Variants in MND1 observed in about 807,000 individuals in gnomAD.
MND1 encodes the protein meiotic nuclear divisions 1.
A neutral mutation model predicts 35.1 loss-of-function variants in MND1; 28 were observed. The observed-to-expected ratio is 0.80, with a 90% CI of 0.59 to 1.09. The LOEUF (loss-of-function observed/expected upper bound fraction) is 1.09, where lower values mean the gene tolerates loss of function less well. MND1 is among the 50% of genes least tolerant of loss of function. The pLI is 0.00. For synonymous variants in MND1, 69 were observed against 70.5 expected (o/e 0.98, Z 0.11); for missense variants, 213 against 239.6 (o/e 0.89, Z 0.73).
chr4:153,388,648 T>G (rs1203055898), intron 4 of MND1, among the ~76,000 whole-genome samples: 1 of 152,140 alleles, frequency 6.6e-6, no homozygotes, highest in Non-Finnish European at 1.5e-5. Flanking sequence ...TGACACAAGA[T>G]TTTTCCCAGC....
intron 6 of MND1, among the ~76,000 whole-genome samples, chr4:153,405,541 GAA>G (rs70963177): frequency 5.9e-4 from 80 of 135,826 alleles, no homozygotes; most frequent in Middle Eastern, 3.9e-3. Flanking sequence ...GTCTCAAAAA[GAA>G]AAAAAAAAAA....
At chr4:153,349,980 G>T in intron 1 of MND1, 84 bp from the exon 2 acceptor site, 1 of 902,748 alleles carries the variant, frequency 1.1e-6, no homozygotes. Context: ...ATAAGACCAT[G>T]CATAAAATTT....
chr4:153,408,009 C>G lies in MND1; in HGVS notation c.467-962C>G, dbSNP rs529301750. Among the ~76,000 whole-genome samples, 3 of 152,210 alleles carry G rather than the reference C, an allele frequency of 2.0e-5. No homozygotes were observed. The South Asian group carries it at 6.2e-4, about 32-fold the overall frequency. ...AACCACTGAAAGCCAGGCATGGTGC[C>G]CCATACCTGTAATCCCAGCACTTTA... On this transcript the variant is annotated intron_variant, in intron 6 of 7. Coordinates refer to ENST00000240488, the MANE Select transcript of MND1 (RefSeq NM_032117.4).
chr4:153,359,092 T>C (rs745558955), intron 4 of MND1, among the ~76,000 whole-genome samples: 2 of 152,232 alleles, frequency 1.3e-5, no homozygotes, highest in East Asian at 3.8e-4. Flanking sequence ...CTTGGTGTTA[T>C]ACATTATGTG....
rs895877516 is a variant in MND1, at chr4:153,358,737, A to G, written c.276+115A>G. 31 of 977,550 alleles carry G rather than the reference A, an allele frequency of 3.2e-5. No individual in the cohort carries two copies. The East Asian group carries it at 8.1e-4, about 25-fold the overall frequency. The allele number at this position is 977,550 out of a possible 1,614,324, so 60.6% of individuals were successfully genotyped here. A position where few individuals can be genotyped will look rare whatever the true frequency, so the allele number is the denominator to read the frequency against. On this transcript the variant is annotated intron_variant, in intron 4 of 7. Transcript: ENST00000240488. ...ATTTTTGATATGCATTATTTGACTG[A>G]AAGTCTAAAGATAATTAACATCTGT...
At chr4:153,373,195 CTATG>C (rs1773833849) in intron 4 of MND1, among the ~76,000 whole-genome samples, 1 of 151,930 alleles carries the variant, frequency 6.6e-6, no homozygotes, top group Non-Finnish European at 1.5e-5. Context: ...GTGTGATTAC[CTATG>C]TAGTTATGTT....
intron 4 of MND1, chr4:153,381,667 A>AATATAATATATAT (rs1554011383): frequency 1.6e-4 from 4 of 25,460 alleles, no homozygotes; most frequent in African/African-American, 5.8e-4. Flanking sequence ...TATATAATAT[A>AATATAATATATAT]ATATATATAT....
At chr4:153,406,904 A>G (rs1398106879) in intron 6 of MND1, among the ~76,000 whole-genome samples, 1 of 152,242 alleles carries the variant, frequency 6.6e-6, no homozygotes, top group Non-Finnish European at 1.5e-5. Context: ...TCATGGTGGA[A>G]GGTGAAAGGT....
intron 4 of MND1, among the ~76,000 whole-genome samples, chr4:153,382,736 A>T (rs1728742814): frequency 6.6e-6 from 1 of 152,226 alleles, no homozygotes; most frequent in African/African-American, 2.4e-5. Context: ...TTTATTTTAG[A>T]TCGATGCCTT....
chr4:153,381,695 T>TATATAATATAATATATATATATA (rs1561068661), intron 4 of MND1: 1 of 40,776 alleles, frequency 2.5e-5, no homozygotes, highest in African/African-American at 2.3e-4. Context: ...TATATATATT[T>TATATAATATAATATATATATATA]TTTTTTTTTT....
rs998938284 is a variant in MND1 at position 153,350,060 on chromosome 4, T to C, written c.4-4T>C. 16 of 1,585,780 alleles carry C rather than the reference T, an allele frequency of 1.0e-5. No homozygotes were observed. The African/African-American group carries it at 1.9e-4, about 19-fold the overall frequency. On this transcript the variant is annotated splice_region_variant and splice_polypyrimidine_tract_variant and intron_variant, in intron 1 of 7. Transcript: ENST00000240488. ...TTGTTTACTTGTTAATTTTTTTGCTTTAGTCAAAGAAAAAAGGACTGAGTG... is the reference window on the plus strand; with the variant it reads ...TTGTTTACTTGTTAATTTTTTTGCTCTAGTCAAAGAAAAAAGGACTGAGTG...
chr4:153,361,577 C>T (rs1010141476), intron 4 of MND1: 65 of 455,634 alleles, frequency 1.4e-4, no homozygotes, highest in Non-Finnish European at 2.3e-4. Context: ...CAGTGGCTCA[C>T]GCCTGTAATC....
At chr4:153,356,521 C>G (rs1411092326) in intron 3 of MND1, among the ~76,000 whole-genome samples, 3 of 132,384 alleles carry the variant, frequency 2.3e-5, no homozygotes, top group Non-Finnish European at 4.6e-5. Flanking sequence ...CCACTGCACT[C>G]CAGCCTGGGT....
chr4:153,375,639 C>G (rs1257460421), intron 4 of MND1, among the ~76,000 whole-genome samples: 1 of 152,006 alleles, frequency 6.6e-6, no homozygotes, highest in Non-Finnish European at 1.5e-5. Flanking sequence ...TTGTTGTGTA[C>G]ATGTACACCA....
At chr4:153,395,481 T>G (rs1463446805) in intron 5 of MND1, among the ~76,000 whole-genome samples, 1 of 152,182 alleles carries the variant, frequency 6.6e-6, no homozygotes, top group Non-Finnish European at 1.5e-5. Flanking sequence ...CTAAGAAAGA[T>G]GAAGTCTTGT....
chr4:153,380,903 G>A (rs1728659698), intron 4 of MND1, among the ~76,000 whole-genome samples: 1 of 140,826 alleles, frequency 7.1e-6, no homozygotes, highest in South Asian at 2.3e-4. Flanking sequence ...TAAGACATCA[G>A]AGTTTTTTTT....
intron 4 of MND1, among the ~76,000 whole-genome samples, chr4:153,382,814 A>G (rs947124447): frequency 6.6e-6 from 1 of 152,224 alleles, no homozygotes; most frequent in Non-Finnish European, 1.5e-5. Flanking sequence ...ATTAAACAAT[A>G]TTTTCATTAG....
intron 4 of MND1, among the ~76,000 whole-genome samples, chr4:153,384,531 G>C (rs904371649): frequency 2.9e-4 from 38 of 131,456 alleles, no homozygotes; most frequent in African/African-American, 1.0e-3. Context: ...GGCCTCAACC[G>C]ATCTTCCCAC....
In MND1 at chr4:153,406,510, T is replaced by TC. The variant is rs1441166083; in HGVS notation, c.467-2459dup. On this transcript the variant is annotated intron_variant, in intron 6 of 7. Transcript: ENST00000240488. Reference sequence around the variant, plus strand: ...GCACTCCAGCCTGGGTGACAGAGACTCCATCACAAAAAGAAAAAAAGAAAG... The same window carrying TC: ...GCACTCCAGCCTGGGTGACAGAGACTCCCATCACAAAAAGAAAAAAAGAAAG... 3.3e-5 allele frequency among the ~76,000 whole-genome samples: 5 copies of TC among 151,878 alleles called. No homozygotes were observed. In the East Asian group the frequency reaches 9.7e-4, roughly 30 times the overall value.
Sources: allele counts gnomAD v4.1 joint callset (sites outside exome capture counted in the v4.1 genomes callset), GRCh38; gene constraint gnomAD v4.1.1; transcripts MANE v1.5; gene names NCBI Gene and HGNC (gene_info 2026-07-23, HGNC 2026-07-21).